The following NR2F2 variants were observed in gnomAD, a reference collection of about 807,000 sequenced individuals.
NR2F2 encodes the protein COUP transcription factor 2.
Under a neutral mutation model 34.8 loss-of-function variants are expected in NR2F2, and 2 were observed. The ratio of observed to expected loss-of-function variants is 0.06; its 90% CI spans 0.02 to 0.18. The LOEUF is 0.18. Among genes scored for constraint, NR2F2 ranks in the 10% least tolerant of loss-of-function variants. NR2F2 has a pLI of 1.00. For missense variants in NR2F2, 300 were observed against 580.1 expected, an observed-to-expected ratio of 0.52 and a Z score of 4.96; for synonymous variants, 274 against 251.8, an observed-to-expected ratio of 1.09 and a Z score of -0.84.
Position 96,332,215 on chromosome 15 carries a change from C to T in NR2F2, c.110C>T (p.Pro37Leu). The change falls in exon 1 of 3, where the codon CCG (proline) becomes CTG (leucine). Residue 37 changes from proline (P) to leucine (L), a missense_variant. This residue lies in a region of NR2F2 where 105 missense variants were observed against 107.8 expected (regional missense o/e 0.97). Transcript: ENST00000394166. The part of the protein sequence containing the change: ...PPVPGPPPGA[P>L]HTPQTPGQGG... The stretch of plus-strand genomic sequence containing the variant: ...GTGCCCGGCCCGCCGCCCGGCGCCC[C>T]GCACACGCCACAGACGCCCGGCCAA... 7.0e-7 allele frequency: 1 copy of T among 1,418,828 alleles called. No individual in the cohort carries two copies. The allele number at this position is 1,418,828 out of a possible 1,614,324, so 87.9% of individuals were successfully genotyped here.
chr15:96,328,575 G>GA (rs1433273687), upstream of NR2F2, among the ~76,000 whole-genome samples: 1 of 152,160 alleles, frequency 6.6e-6, no homozygotes, highest in Admixed American at 6.5e-5. Context: ...GGTTGGAAGG[G>GA]AAAACAACAA....
In NR2F2 at chr15:96,330,966, G is replaced by C; in HGVS notation, c.-1140G>C. 8.5e-7 allele frequency: 1 copy of C among 1,183,430 alleles called. No homozygotes were observed. Among genetic ancestry groups the C allele is most frequent in the Non-Finnish European group, 1.0e-6 (1 of 955,810 alleles). 73.3% of individuals were successfully genotyped at this position (1,183,430 alleles called of 1,614,324 possible). On this transcript the variant is annotated 5_prime_UTR_variant, in exon 1 of 3. Transcript: ENST00000394166. ...GCGCACGAAGGATGTGCTTCTAGGTGGTGATCTGCCCTCCTCTCTCTCTTT... is the reference window on the plus strand; with the variant it reads ...GCGCACGAAGGATGTGCTTCTAGGTCGTGATCTGCCCTCCTCTCTCTCTTT...
upstream of NR2F2, among the ~76,000 whole-genome samples, chr15:96,328,664 T>C (rs1596419918): frequency 6.6e-6 from 1 of 152,346 alleles, no homozygotes; most frequent in East Asian, 1.9e-4. Flanking sequence ...TTATATTGTG[T>C]CTCTAATTAA....
At position 96,331,954 on chromosome 15, in the gene NR2F2, CCCCGAGCCA is replaced by C; in HGVS notation, c.-147_-139del. 2.5e-6 allele frequency: 3 copies of C among 1,210,192 alleles called. No individual in the cohort carries two copies. Among genetic ancestry groups the C allele is most frequent in the Non-Finnish European group, 3.1e-6 (3 of 974,268 alleles). The allele number at this position is 1,210,192 out of a possible 1,614,324, so 75.0% of individuals were successfully genotyped here. A position where few individuals can be genotyped will look rare whatever the true frequency, so the allele number is the denominator to read the frequency against. On this transcript the variant is annotated 5_prime_UTR_variant, in exon 1 of 3. Coordinates refer to ENST00000394166, the MANE Select transcript of NR2F2 (RefSeq NM_021005.4). ...AACTAACCAACCTCAACCAACCAGC[CCCCGAGCCA>C]CCCGGGGCGCCCTCCCGCGCCCTCT...
chr15:96,335,615 G>A lies in NR2F2; in HGVS notation c.970+1012G>A, dbSNP rs181596972. On this transcript the variant is annotated intron_variant, in intron 2 of 2. Transcript: ENST00000394166. ...AGAGGGGAAAGGGGTTCCCGATTAA[G>A]AATAACAAACATCTGGACGTTAGCA... 9.9e-5 allele frequency among the ~76,000 whole-genome samples: 15 copies of A among 152,102 alleles called. No individual in the cohort carries two copies. The East Asian group carries it at 2.5e-3, about 25-fold the overall frequency.
Position 96,330,819 on chromosome 15 carries a change from T to TGC in NR2F2, c.-1281_-1280dup. ...TTTCTCTCCGCGGTGTGTGTGTGCG[T>TGC]GCGCGCGTGTGTGTTTTCTTCTTCT... On this transcript the variant is annotated 5_prime_UTR_variant, in exon 1 of 3. Transcript: ENST00000394166. 2 of 1,118,058 alleles carry TGC rather than the reference T, an allele frequency of 1.8e-6. No homozygotes were observed. Among genetic ancestry groups the TGC allele is most frequent in the Middle Eastern group, 3.7e-4 (1 of 2,696 alleles). The allele number at this position is 1,118,058 out of a possible 1,614,324, so 69.3% of individuals were successfully genotyped here.
At position 96,332,024 on chromosome 15, in the gene NR2F2, G is replaced by C; in HGVS notation, c.-82G>C. 1.6e-6 allele frequency: 2 copies of C among 1,231,836 alleles called. No individual in the cohort carries two copies. Among genetic ancestry groups the C allele is most frequent in the Non-Finnish European group, 2.0e-6 (2 of 986,434 alleles). 76.3% of individuals were successfully genotyped at this position (1,231,836 alleles called of 1,614,324 possible). A position where few individuals can be genotyped will look rare whatever the true frequency, so the allele number is the denominator to read the frequency against. ...CACACACAAAAGGCGGCGCGCCGGA[G>C]CCCGAGACCCGGGGAGCCGCCGCCG... On this transcript the variant is annotated 5_prime_UTR_variant, in exon 1 of 3. Coordinates refer to ENST00000394166, the MANE Select transcript of NR2F2 (RefSeq NM_021005.4).
intron 1 of NR2F2, chr15:96,332,756 T>C: frequency 8.7e-7 from 1 of 1,148,564 alleles, no homozygotes; most frequent in Non-Finnish European, 1.2e-6. Context: ...CTTTACTCTC[T>C]CTTTGGGCTG....
chr15:96,332,620 G>T, intron 1 of NR2F2, 73 bp downstream of exon 1: 1 of 1,559,142 alleles, frequency 6.4e-7, no homozygotes, highest in Non-Finnish European at 8.7e-7. Context: ...AGCCTGCTCT[G>T]GGTAAGGACA....
At position 96,332,435 on chromosome 15, in the gene NR2F2, C is replaced by A; in HGVS notation, c.330C>A (p.Asn110Lys). 6.2e-7 allele frequency: 1 copy of A among 1,614,210 alleles called. No homozygotes were observed. The highest frequency in any genetic ancestry group is 8.5e-7 in the Non-Finnish European group (1 of 1,180,042). The change falls in exon 1 of 3, where the codon AAC (asparagine) becomes AAA (lysine). Residue 110 changes from asparagine (N) to lysine (K), a missense_variant. Asn to Lys is a moderately conservative substitution (Grantham distance 94). This residue lies in a region of NR2F2 where 15 missense variants were observed against 17.1 expected (regional missense o/e 0.88). Transcript: ENST00000394166. ...TCTTCAAGCGCAGCGTGCGGAGGAACCTGAGCTACACGTGCCGCGCCAACC... is the reference window on the plus strand; with the variant it reads ...TCTTCAAGCGCAGCGTGCGGAGGAAACTGAGCTACACGTGCCGCGCCAACC... The part of the protein sequence containing the change: ...KSFFKRSVRR[N>K]LSYTCRANRN...
chr15:96,331,298 G>A lies in NR2F2; in HGVS notation c.-808G>A, dbSNP rs1899133546. On this transcript the variant is annotated 5_prime_UTR_variant, in exon 1 of 3. Transcript: ENST00000394166. Reference sequence around the variant, plus strand: ...CCCGGGGCAGGCGGCGGCGGCGGCGGCCCAGCGCCAGGACGACGCCGCGCA... The same window carrying A: ...CCCGGGGCAGGCGGCGGCGGCGGCGACCCAGCGCCAGGACGACGCCGCGCA... 3 of 1,099,676 alleles carry A rather than the reference G, an allele frequency of 2.7e-6. No individual in the cohort carries two copies. Among genetic ancestry groups the A allele is most frequent in the Non-Finnish European group, 3.3e-6 (3 of 904,610 alleles). 68.1% of individuals were successfully genotyped at this position (1,099,676 alleles called of 1,614,324 possible). A position where few individuals can be genotyped will look rare whatever the true frequency, so the allele number is the denominator to read the frequency against.
At chr15:96,326,201 C>T (rs1207791498), upstream of NR2F2, 1 of 923,976 alleles carries the variant, frequency 1.1e-6, no homozygotes, top group Non-Finnish European at 1.8e-6. The surrounding 1 kb of genome is among the most constrained non-coding windows in gnomAD (Gnocchi z 5.5). Context: ...AGATAAACAC[C>T]GAGGAGGAGA....
chr15:96,326,152 A>C, upstream of NR2F2: 1 of 661,566 alleles, frequency 1.5e-6, no homozygotes, highest in Non-Finnish European at 2.7e-6. This position sits in a 1 kb window ranked among gnomAD's most constrained non-coding sequence, Gnocchi z 5.5. Context: ...TTTTCCCTGC[A>C]GGCTAGTGCC....
chr15:96,334,467 G>A lies in NR2F2; in HGVS notation c.834G>A (p.Ser278=), dbSNP rs199886454. 7.1e-4 allele frequency: 1,151 copies of A among 1,613,970 alleles called. 12 individuals carry two copies. The South Asian group carries it at 0.011, about 15-fold the overall frequency. The part of the protein sequence containing the change: ...PLLAAAGLHA[S]PMSADRVVAF... Reference sequence around the variant, plus strand: ...TGGCCGCCGCCGGCCTGCATGCTTCGCCCATGTCCGCCGACCGGGTGGTCG... The same window carrying A: ...TGGCCGCCGCCGGCCTGCATGCTTCACCCATGTCCGCCGACCGGGTGGTCG... Residue 278 remains serine, a synonymous_variant, in exon 2 of 3, where the codon TCG becomes TCA. Coordinates refer to ENST00000394166, the MANE Select transcript of NR2F2 (RefSeq NM_021005.4).
Position 96,331,979 on chromosome 15 carries a change from C to G in NR2F2, c.-127C>G. On this transcript the variant is annotated 5_prime_UTR_variant, in exon 1 of 3. Transcript: ENST00000394166. ...CCCCGAGCCACCCGGGGCGCCCTCC[C>G]GCGCCCTCTTGCACCCTCGCACACA... The G allele has an allele frequency of 8.3e-7, 1 of 1,208,406 alleles. No individual in the cohort carries two copies. 74.9% of individuals were successfully genotyped at this position (1,208,406 alleles called of 1,614,324 possible).
In NR2F2 at chr15:96,332,278, G is replaced by C; in HGVS notation, c.173G>C (p.Gly58Ala). 6.4e-7 allele frequency: 1 copy of C among 1,556,738 alleles called. No individual in the cohort carries two copies. The highest frequency in any genetic ancestry group is 8.7e-7 in the Non-Finnish European group (1 of 1,151,840). The change falls in exon 1 of 3, where the codon GGT becomes GCT. Residue 58 changes from glycine (G) to alanine (A), a missense_variant. By Grantham distance (60) the Gly-to-Ala change is moderately conservative. Around this residue, in one of 6 missense-constraint regions of NR2F2, gnomAD observed 105 missense variants for 107.8 expected, o/e 0.97. Transcript: ENST00000394166. ...PASTPAQTAA[G>A]GQGGPGGPGS... ...AGCACGCCAGCCCAGACGGCGGCCGGTGGCCAGGGCGGCCCTGGCGGCCCG... is the reference window on the plus strand; with the variant it reads ...AGCACGCCAGCCCAGACGGCGGCCGCTGGCCAGGGCGGCCCTGGCGGCCCG...
At position 96,331,281 on chromosome 15, in the gene NR2F2, AGGCGGCGGC is replaced by A. The variant is rs902456420; in HGVS notation, c.-815_-807del. On this transcript the variant is annotated 5_prime_UTR_variant, in exon 1 of 3. Coordinates refer to ENST00000394166, the MANE Select transcript of NR2F2 (RefSeq NM_021005.4). ...GAGGCGCGCGCCGGACGCCCGGGGC[AGGCGGCGGC>A]GGCGGCGGCCCAGCGCCAGGACGAC... 3.6e-5 allele frequency: 37 copies of A among 1,028,562 alleles called. No homozygotes were observed. The highest frequency in any genetic ancestry group is 2.5e-4 in the East Asian group (3 of 11,824). 63.7% of individuals were successfully genotyped at this position (1,028,562 alleles called of 1,614,324 possible).
At chr15:96,335,625 C>T (rs1235513868) in intron 2 of NR2F2, among the ~76,000 whole-genome samples, 2 of 152,180 alleles carry the variant, frequency 1.3e-5, no homozygotes, top group African/African-American at 4.8e-5. Context: ...GAATAACAAA[C>T]ATCTGGACGT....
At position 96,340,186 on chromosome 15, in the gene NR2F2, G is replaced by A. The variant is rs1389082767; in HGVS notation, c.*2564G>A. The stretch of plus-strand genomic sequence containing the variant: ...CCTTTTCCTTGTTTGTTTTGTGTTA[G>A]TTTATTGTAAACAGCCATTTGTTGT... On this transcript the variant is annotated 3_prime_UTR_variant, in exon 3 of 3. Coordinates refer to ENST00000394166, the MANE Select transcript of NR2F2 (RefSeq NM_021005.4). 6.6e-6 allele frequency: 1 copy of A among 151,744 alleles called. No homozygotes were observed. The highest frequency in any genetic ancestry group is 1.5e-5 in the Non-Finnish European group (1 of 67,846). 9.4% of individuals were successfully genotyped at this position (151,744 alleles called of 1,614,324 possible). A position where few individuals can be genotyped will look rare whatever the true frequency, so the allele number is the denominator to read the frequency against.
Sources: gnomAD v4.1 joint callset for allele counts (sites outside exome capture counted in the v4.1 genomes callset) on GRCh38, gnomAD v4.1.1 for gene constraint, gnomAD v4.1.1 regional missense constraint, Gnocchi (gnomAD v3.1) non-coding constraint, MANE v1.5 for transcripts, NCBI Gene and HGNC (gene_info 2026-07-23, HGNC 2026-07-21) for gene names.